SLC10A7: variants seen among roughly 807,000 people sequenced by gnomAD.
SLC10A7 encodes the protein solute carrier family 10 member 7.
In SLC10A7, 29 loss-of-function variants were observed where a neutral mutation model predicts 43.2. The observed-to-expected ratio is 0.67, with a 90% CI of 0.50 to 0.92. The LOEUF (loss-of-function observed/expected upper bound fraction) is 0.92, where lower values mean the gene tolerates loss of function less well. Among genes scored for constraint, SLC10A7 ranks in the 40% least tolerant of loss-of-function variants. The pLI, the probability that SLC10A7 is intolerant of heterozygous loss-of-function variation, is 0.00. For synonymous variants in SLC10A7, 152 were observed against 144.8 expected, an observed-to-expected ratio of 1.05 and a Z score of -0.35; for missense variants, 295 against 403.2, an observed-to-expected ratio of 0.73 and a Z score of 2.30.
chr4:146,295,202 T>A (rs1460613116), intron 7 of SLC10A7, among the ~76,000 whole-genome samples: 1 of 152,172 alleles, frequency 6.6e-6, no homozygotes, highest in Non-Finnish European at 1.5e-5. Flanking sequence ...CAACTTCAAC[T>A]GTTCTCAGGG....
At chr4:146,323,623 T>C (rs1732892917) in intron 6 of SLC10A7, among the ~76,000 whole-genome samples, 1 of 152,214 alleles carries the variant, frequency 6.6e-6, no homozygotes. Context: ...TTGGTTACTG[T>C]AGCCTTGTAG....
intron 2 of SLC10A7, chr4:146,515,085 T>G: frequency 1.4e-6 from 1 of 701,904 alleles, no homozygotes; most frequent in East Asian, 2.7e-5. Context: ...AGCTGTGGCA[T>G]TCTTCCTTCT....
chr4:146,407,419 C>A (rs888273208), intron 5 of SLC10A7, among the ~76,000 whole-genome samples: 1 of 152,148 alleles, frequency 6.6e-6, no homozygotes, highest in Non-Finnish European at 1.5e-5. Flanking sequence ...ACGCTCTTTA[C>A]AAATTCTGAA....
chr4:146,358,199 G>T (rs1309502480), intron 5 of SLC10A7, among the ~76,000 whole-genome samples: 2 of 152,042 alleles, frequency 1.3e-5, no homozygotes, highest in Non-Finnish European at 2.9e-5. Context: ...CCATGTATCT[G>T]ATTCTACATG....
chr4:146,403,737 A>C (rs1424123307), intron 5 of SLC10A7, among the ~76,000 whole-genome samples: 1 of 152,176 alleles, frequency 6.6e-6, no homozygotes, highest in Non-Finnish European at 1.5e-5. Flanking sequence ...TAAGACGTTA[A>C]GTTTAAATCT....
At chr4:146,256,964 G>T in intron 11 of SLC10A7, 1 of 1,414,546 alleles carries the variant, frequency 7.1e-7, no homozygotes, top group Non-Finnish European at 9.6e-7. Flanking sequence ...GAACAACAGT[G>T]TACAATTTAG....
chr4:146,256,280 T>TTG lies in SLC10A7; in HGVS notation c.*209_*210dup, dbSNP rs1228877423. 2 of 574,738 alleles carry TTG rather than the reference T, an allele frequency of 3.5e-6. No individual in the cohort carries two copies. The highest frequency in any genetic ancestry group is 6.2e-6 in the Non-Finnish European group (2 of 324,730). The allele number at this position is 574,738 out of a possible 1,614,324, so 35.6% of individuals were successfully genotyped here. On this transcript the variant is annotated 3_prime_UTR_variant, in exon 12 of 12. Transcript: ENST00000335472. Reference sequence around the variant, plus strand: ...GGAAAGCAAAATTAACCCCCAAATATTGTACCACCCCTGGCAGTAATCAAC... The same window carrying TTG: ...GGAAAGCAAAATTAACCCCCAAATATTGTGTACCACCCCTGGCAGTAATCAAC...
intron 4 of SLC10A7, among the ~76,000 whole-genome samples, chr4:146,464,238 C>A (rs1309934009): frequency 6.6e-6 from 1 of 152,008 alleles, no homozygotes; most frequent in Non-Finnish European, 1.5e-5. Context: ...TTGTAGAACA[C>A]TATCGAGAGA....
chr4:146,501,325 C>A (rs531549405), intron 4 of SLC10A7, among the ~76,000 whole-genome samples: 11 of 152,280 alleles, frequency 7.2e-5, no homozygotes, highest in South Asian at 2.1e-4. Flanking sequence ...CATCAAAAAA[C>A]CAAATTCTTG....
chr4:146,348,986 T>C (rs1402112320), intron 5 of SLC10A7, among the ~76,000 whole-genome samples: 5 of 152,286 alleles, frequency 3.3e-5, no homozygotes, highest in African/African-American at 1.2e-4. Flanking sequence ...TCAATTCCCT[T>C]ATTTCTTAGA....
At chr4:146,408,661 T>C (rs1334425573) in intron 5 of SLC10A7, 1 of 152,092 alleles carries the variant, frequency 6.6e-6, no homozygotes, top group Non-Finnish European at 1.5e-5. Flanking sequence ...TTGTTGATCT[T>C]GGGCCTGATG....
intron 10 of SLC10A7, among the ~76,000 whole-genome samples, chr4:146,276,428 C>T (rs1305024648): frequency 6.6e-6 from 1 of 152,128 alleles, no homozygotes; most frequent in African/African-American, 2.4e-5. Context: ...TTAAAGTAAA[C>T]TTTATGTAAC....
chr4:146,262,598 C>T (rs1285780520), intron 10 of SLC10A7, among the ~76,000 whole-genome samples: 1 of 152,220 alleles, frequency 6.6e-6, no homozygotes, highest in Non-Finnish European at 1.5e-5. Context: ...AATCCACTTG[C>T]TCACTGATTT....
At chr4:146,271,401 A>T (rs1309559217) in intron 10 of SLC10A7, among the ~76,000 whole-genome samples, 1 of 152,150 alleles carries the variant, frequency 6.6e-6, no homozygotes, top group African/African-American at 2.4e-5. Flanking sequence ...AGCAATTCCT[A>T]TTAGTTCTGT....
At chr4:146,505,717 CAA>C (rs1736837551) in intron 3 of SLC10A7, among the ~76,000 whole-genome samples, 1 of 152,162 alleles carries the variant, frequency 6.6e-6, no homozygotes, top group Admixed American at 6.6e-5. Flanking sequence ...ATCTGTTTTA[CAA>C]AGAGCTACTA....
chr4:146,323,130 G>C (rs1003857643), intron 6 of SLC10A7, among the ~76,000 whole-genome samples: 1 of 152,192 alleles, frequency 6.6e-6, no homozygotes, highest in South Asian at 2.1e-4. Flanking sequence ...CTTGTCAGAT[G>C]AGTAGATTGC....
At chr4:146,403,519 G>A (rs754722822) in intron 5 of SLC10A7, among the ~76,000 whole-genome samples, 7 of 152,078 alleles carry the variant, frequency 4.6e-5, no homozygotes, top group Non-Finnish European at 1.0e-4. Context: ...TTTATTGAGT[G>A]GTCTCAGTTC....
At chr4:146,294,813 A>G (rs1364091562) in intron 7 of SLC10A7, among the ~76,000 whole-genome samples, 1 of 152,214 alleles carries the variant, frequency 6.6e-6, no homozygotes, top group African/African-American at 2.4e-5. Flanking sequence ...ATTCTGTCTT[A>G]TTTTAAAATC....
At chr4:146,394,772 G>A (rs1437361506) in intron 5 of SLC10A7, among the ~76,000 whole-genome samples, 2 of 152,058 alleles carry the variant, frequency 1.3e-5, no homozygotes, top group Non-Finnish European at 1.5e-5. Flanking sequence ...AAATATGGAA[G>A]ACATTGGAAA....
Sources: allele counts gnomAD v4.1 joint callset (sites outside exome capture counted in the v4.1 genomes callset), GRCh38; gene constraint gnomAD v4.1.1; transcripts MANE v1.5; gene names NCBI Gene and HGNC (gene_info 2026-07-23, HGNC 2026-07-21).